SEC16B: variants seen among roughly 807,000 people sequenced by gnomAD.
SEC16B encodes the protein protein transport protein Sec16B.
A neutral mutation model predicts 141.8 loss-of-function variants in SEC16B; 115 were observed. That is an observed-to-expected ratio of 0.81 (90% CI 0.70 to 0.95). The LOEUF is 0.95. Among genes scored for constraint, SEC16B ranks in the 40% least tolerant of loss-of-function variants. SEC16B has a pLI of 0.00. For missense variants in SEC16B, 1,291 were observed against 1,312.3 expected, an observed-to-expected ratio of 0.98 and a Z score of 0.25; for synonymous variants, 493 against 492.5, an observed-to-expected ratio of 1.00 and a Z score of -0.01.
At chr1:177,947,780 A>AGGGACAGGGAGGGGAGGGGAGGGG (rs756175054) in intron 13 of SEC16B, 45 bp downstream of exon 13, 9 of 416,918 alleles carry the variant, frequency 2.2e-5, no homozygotes, top group Admixed American at 6.6e-5. Context: ...GAGGGGAGGG[A>AGGGACAGGGAGGGGAGGGGAGGGG]AGGGACAGGG....
intron 4 of SEC16B, 48 bp downstream of exon 4, chr1:177,964,999 C>T: frequency 6.2e-7 from 1 of 1,603,616 alleles, no homozygotes; most frequent in Non-Finnish European, 8.5e-7. Context: ...CCGACATAGT[C>T]TGAGTTTGAC....
intron 15 of SEC16B, among the ~76,000 whole-genome samples, chr1:177,944,304 C>T (rs568656519): frequency 6.6e-6 from 1 of 152,168 alleles, no homozygotes; most frequent in Non-Finnish European, 1.5e-5. Flanking sequence ...GGGCGGCAGG[C>T]AGGACGTTCA....
chr1:177,958,219 C>T lies in SEC16B; in HGVS notation c.1278G>A (p.Leu426=). The change falls in exon 10 of 26, where the codon CTG becomes CTA. Residue 426 remains leucine, a synonymous_variant. Transcript: ENST00000308284. ...WPVLSSGTPN[L]LTGEIPPSVE... is the part of the protein sequence containing the mutation. ...CACTGGGGGGGATCTCTCCCGTGAG[C>T]AGGTTCGGGGTCCCAGAGCTCAGCA... is the stretch of plus-strand genomic sequence containing the variant. 1 of 1,602,934 alleles carries T rather than the reference C, an allele frequency of 6.2e-7. No individual in the cohort carries two copies. Among genetic ancestry groups the T allele is most frequent in the Non-Finnish European group, 8.5e-7 (1 of 1,174,476 alleles).
intron 6 of SEC16B, 74 bp from the exon 7 acceptor site, chr1:177,961,013 A>G: frequency 2.0e-6 from 3 of 1,523,506 alleles, no homozygotes; most frequent in South Asian, 2.5e-5. Flanking sequence ...GGAATATGCC[A>G]CAGATGTATT....
In SEC16B at chr1:177,937,330, C is replaced by T; in HGVS notation, c.2387G>A (p.Arg796Lys). 1.1e-5 allele frequency: 18 copies of T among 1,613,790 alleles called. No homozygotes were observed. Among genetic ancestry groups the T allele is most frequent in the Non-Finnish European group, 1.5e-5 (18 of 1,179,858 alleles). The part of the protein sequence containing the change: ...GGGAGQTGTP[R>K]PFYSVPETHL... ...GGTCTCAGGAACTGAGTAAAAAGGC[C>T]TCGGTGTCCCTGTCTGCCCTGCACC... is the stretch of plus-strand genomic sequence containing the variant. The change falls in exon 19 of 26, where the codon AGG becomes AAG. Residue 796 changes from arginine (R) to lysine (K), a missense_variant. Arg to Lys is a conservative substitution (Grantham distance 26). This residue lies in a region of SEC16B where 605 missense variants were observed against 614.1 expected (regional missense o/e 0.99). Coordinates refer to ENST00000308284, the MANE Select transcript of SEC16B (RefSeq NM_033127.4).
chr1:177,973,932 A>C (rs574436722), upstream of SEC16B, among the ~76,000 whole-genome samples: 1 of 152,112 alleles, frequency 6.6e-6, no homozygotes, highest in Non-Finnish European at 1.5e-5. Context: ...CCATAAATCA[A>C]GCAGGACAGA....
intron 7 of SEC16B, 78 bp downstream of exon 7, chr1:177,960,713 A>G (rs1187907390): frequency 2.1e-6 from 3 of 1,457,254 alleles, no homozygotes; most frequent in Non-Finnish European, 2.8e-6. Flanking sequence ...GCTCAGGCAC[A>G]GGAAAGCAAG....
rs538460880 is a variant in SEC16B, at chr1:177,944,812, G to A, written c.1776-146C>T. 22 of 595,286 alleles carry A rather than the reference G, an allele frequency of 3.7e-5. No homozygotes were observed. In the African/African-American group the frequency reaches 4.0e-4, roughly 11 times the overall value. 36.9% of individuals were successfully genotyped at this position (595,286 alleles called of 1,614,324 possible). A position where few individuals can be genotyped will look rare whatever the true frequency, so the allele number is the denominator to read the frequency against. ...GCCTGCGGCGGCTTCAAGAGAAGAAGGAGACTCTGGGCTCCCAGAGTGAGT... is the reference window on the plus strand; with the variant it reads ...GCCTGCGGCGGCTTCAAGAGAAGAAAGAGACTCTGGGCTCCCAGAGTGAGT... On this transcript the variant is annotated intron_variant, in intron 14 of 25. Transcript: ENST00000308284.
chr1:177,971,515 T>C (rs183432179), upstream of SEC16B: 4 of 152,356 alleles, frequency 2.6e-5, no homozygotes, highest in East Asian at 7.7e-4. Flanking sequence ...ATGTGGGTGA[T>C]GATTACACTG....
chr1:177,981,585 A>G (rs1468866183), intron 1 of SEC16B, among the ~76,000 whole-genome samples: 1 of 152,212 alleles, frequency 6.6e-6, no homozygotes, highest in South Asian at 2.1e-4. Context: ...TAAAGACATA[A>G]TTCTATTTCT....
intron 13 of SEC16B, among the ~76,000 whole-genome samples, chr1:177,947,476 C>G (rs1332243184): frequency 6.6e-6 from 1 of 151,998 alleles, no homozygotes; most frequent in East Asian, 1.9e-4. Flanking sequence ...AGAGGAGACT[C>G]CTACAGCAGC....
chr1:177,970,835 G>A (rs571125220), upstream of SEC16B, among the ~76,000 whole-genome samples: 1 of 152,114 alleles, frequency 6.6e-6, no homozygotes, highest in Non-Finnish European at 1.5e-5. Context: ...ATCCCAAATG[G>A]TTTATTCTTT....
rs752430619 is a variant in SEC16B, at chr1:177,967,974, A to G, written c.8T>C (p.Leu3Pro). The G allele has an allele frequency of 3.1e-6, 5 of 1,603,168 alleles. No individual in the cohort carries two copies. In the African/African-American group the frequency reaches 4.0e-5, roughly 13 times the overall value. Residue 3 changes from leucine to proline, a missense_variant, in exon 2 of 26, where the codon CTT becomes CCT. This residue lies in a region of SEC16B where 681 missense variants were observed against 675.5 expected (regional missense o/e 1.01). Transcript: ENST00000308284. MELWAPQRLPQTR... is the reference protein window; with the variant it reads MEPWAPQRLPQTR... ...CTGGGGCAGCCTCTGGGGAGCCCAA[A>G]GTTCCATCCTTGACTCTCTGAATTT...
chr1:177,929,910 A>G lies in SEC16B; in HGVS notation c.3131T>C (p.Leu1044Pro), dbSNP rs201561452. 4.3e-5 allele frequency: 70 copies of G among 1,613,772 alleles called. No homozygotes were observed. Among genetic ancestry groups the G allele is most frequent in the Non-Finnish European group, 5.8e-5 (68 of 1,179,852 alleles). ...CTGAGCTAGGCGATTTGGCCGATTC[A>G]GGCTAGTGGCCGTGGGCAGCTGGAA... ...QVPQLPTATSLNRPNRLAQRR... is the reference protein window; with the variant it reads ...QVPQLPTATSPNRPNRLAQRR... The change falls in exon 26 of 26, where the codon CTG (leucine) becomes CCG (proline). Residue 1044 changes from leucine to proline, a missense_variant. By Grantham distance (98) the Leu-to-Pro change is moderately conservative. This residue lies in a region of SEC16B where 605 missense variants were observed against 614.1 expected (regional missense o/e 0.99). Coordinates refer to ENST00000308284, the MANE Select transcript of SEC16B (RefSeq NM_033127.4).
intron 7 of SEC16B, 61 bp from the exon 8 acceptor site, chr1:177,960,464 C>T (rs1189455077): frequency 5.9e-6 from 7 of 1,189,016 alleles, no homozygotes; most frequent in Admixed American, 2.0e-5. Context: ...CCCTTTCAGT[C>T]AAGTCTAGTG....
In SEC16B at chr1:177,948,582, A is replaced by ATGTACAAAGCCCCGCATCAATGG. The variant is rs1401978547; in HGVS notation, c.1546-663_1546-641dup. The ATGTACAAAGCCCCGCATCAATGG allele has an allele frequency of 3.1e-6, 4 of 1,304,284 alleles. No individual in the cohort carries two copies. The Admixed American group carries it at 9.2e-5, about 30-fold the overall frequency. 80.8% of individuals were successfully genotyped at this position (1,304,284 alleles called of 1,614,324 possible). A position where few individuals can be genotyped will look rare whatever the true frequency, so the allele number is the denominator to read the frequency against. ...AAAAAGAGTAAGCAGCGTGGTGGAA[A>ATGTACAAAGCCCCGCATCAATGG]TGTACAAAGCCCCGCATCAATGGTG... On this transcript the variant is annotated intron_variant, in intron 12 of 25. Coordinates refer to ENST00000308284, the MANE Select transcript of SEC16B (RefSeq NM_033127.4).
At chr1:177,981,407 T>C (rs1654409269) in intron 1 of SEC16B, among the ~76,000 whole-genome samples, 2 of 152,050 alleles carry the variant, frequency 1.3e-5, no homozygotes, top group African/African-American at 2.4e-5. Context: ...ACCCGGAACT[T>C]ATGCTTGAAC....
intron 10 of SEC16B, among the ~76,000 whole-genome samples, chr1:177,956,849 C>T (rs142200269): frequency 1.3e-3 from 198 of 152,276 alleles, no homozygotes; most frequent in African/African-American, 4.4e-3. Context: ...TATTATAAAA[C>T]AGACTCTGGC....
At chr1:177,977,870 T>C (rs1347835349) in intron 1 of SEC16B, among the ~76,000 whole-genome samples, 1 of 152,212 alleles carries the variant, frequency 6.6e-6, no homozygotes, top group Admixed American at 6.5e-5. Flanking sequence ...AGCCCATCTT[T>C]TAAATGAAAT....
Sources: allele counts gnomAD v4.1 joint callset (sites outside exome capture counted in the v4.1 genomes callset), GRCh38; gene constraint gnomAD v4.1.1; regional missense constraint gnomAD v4.1.1; transcripts MANE v1.5; gene names NCBI Gene and HGNC (gene_info 2026-07-23, HGNC 2026-07-21).